The following ZNF578 variants were observed in gnomAD, a reference collection of about 807,000 sequenced individuals.
ZNF578 encodes Putative chemokine-related protein B42.
ZNF578 carries 8 observed loss-of-function variants against 8.3 expected under a neutral mutation model. The ratio of observed to expected loss-of-function variants is 0.96; its 90% CI spans 0.56 to 1.74. The LOEUF (loss-of-function observed/expected upper bound fraction) is 1.74. Ranked by LOEUF, ZNF578 falls within the 40% of genes most tolerant of loss-of-function variation. ZNF578 has a pLI of 0.00. For synonymous variants in ZNF578, 206 were observed against 232.2 expected (o/e 0.89, Z 1.03); for missense variants, 726 against 707.5 (o/e 1.03, Z -0.30).
intron 2 of ZNF578, chr19:52,475,349 C>CT: frequency 1.2e-5 from 2 of 161,476 alleles, no homozygotes; most frequent in Non-Finnish European, 2.6e-5. Flanking sequence ...TCTTTTCTTT[C>CT]TTTCTTTTTT....
At chr19:52,482,153 C>T (rs1362337580) in intron 2 of ZNF578, among the ~76,000 whole-genome samples, 1 of 152,168 alleles carries the variant, frequency 6.6e-6, no homozygotes, top group African/African-American at 2.4e-5. Flanking sequence ...ACTGCCTCAG[C>T]CTCCGGAGTA....
intron 2 of ZNF578, among the ~76,000 whole-genome samples, chr19:52,468,851 G>A (rs1387148319): frequency 2.0e-5 from 3 of 152,298 alleles, no homozygotes; most frequent in South Asian, 4.1e-4. Context: ...TTGGACATCA[G>A]ATTATAGGTT....
chr19:52,459,058 G>C (rs1262071342), intron 2 of ZNF578, among the ~76,000 whole-genome samples: 1 of 152,162 alleles, frequency 6.6e-6, no homozygotes, highest in Non-Finnish European at 1.5e-5. Flanking sequence ...TAGTCAGAGA[G>C]GTCTTTGTGT....
intron 2 of ZNF578, chr19:52,473,628 C>A: frequency 5.1e-6 from 1 of 197,856 alleles, no homozygotes; most frequent in Non-Finnish European, 1.0e-5. Flanking sequence ...TGATTAAAGG[C>A]TCTGCCACAT....
intron 5 of ZNF578, among the ~76,000 whole-genome samples, chr19:52,505,114 C>T (rs389503): frequency 1.1e-4 from 17 of 151,928 alleles, no homozygotes; most frequent in Non-Finnish European, 2.2e-4. Flanking sequence ...CTCTAACTCC[C>T]GACCTCAGGT....
intron 2 of ZNF578, among the ~76,000 whole-genome samples, chr19:52,484,613 C>T (rs1002715745): frequency 2.0e-5 from 3 of 152,028 alleles, no homozygotes; most frequent in Non-Finnish European, 4.4e-5. Context: ...ATCCAGATGG[C>T]CGGTTCCTGC....
intron 3 of ZNF578, among the ~76,000 whole-genome samples, chr19:52,497,089 G>A (rs2059389650): frequency 6.6e-6 from 1 of 151,110 alleles, no homozygotes; most frequent in South Asian, 2.1e-4. Context: ...CGCCCCACGA[G>A]GCCTGGCTAT....
At chr19:52,483,812 T>C (rs935528510) in intron 2 of ZNF578, among the ~76,000 whole-genome samples, 1 of 152,186 alleles carries the variant, frequency 6.6e-6, no homozygotes, top group Non-Finnish European at 1.5e-5. Context: ...TCAGTTCTTA[T>C]TGCTTTTAAT....
chr19:52,491,475 A>C (rs938911205), intron 3 of ZNF578, 50 bp downstream of exon 3: 1 of 152,736 alleles, frequency 6.5e-6, no homozygotes, highest in African/African-American at 2.4e-5. Context: ...GAGAGGTTTA[A>C]TTCCTCCTTT....
At chr19:52,500,380 C>A (rs2059402402) in intron 3 of ZNF578, among the ~76,000 whole-genome samples, 3 of 149,656 alleles carry the variant, frequency 2.0e-5, no homozygotes, top group Non-Finnish European at 1.5e-5. Flanking sequence ...AGAACTGAGG[C>A]ACAAATGGTT....
At chr19:52,501,432 C>G (rs1225883866) in intron 3 of ZNF578, among the ~76,000 whole-genome samples, 2 of 152,218 alleles carry the variant, frequency 1.3e-5, no homozygotes, top group Non-Finnish European at 2.9e-5. Flanking sequence ...TGCTTGTCAT[C>G]TGTGTGCAGC....
intron 2 of ZNF578, among the ~76,000 whole-genome samples, chr19:52,471,314 T>G (rs1258133231): frequency 6.6e-6 from 1 of 152,254 alleles, no homozygotes; most frequent in Admixed American, 6.5e-5. Flanking sequence ...GACTACCAGC[T>G]TTTCTCTTCC....
intron 4 of ZNF578, among the ~76,000 whole-genome samples, chr19:52,502,814 C>T (rs184997698): frequency 0.019 from 2,893 of 152,272 alleles, 97 homozygotes; most frequent in African/African-American, 0.066. Flanking sequence ...TCAGAGTTTA[C>T]AGCAGCCTCA....
chr19:52,476,446 A>G (rs1377691014), intron 2 of ZNF578, among the ~76,000 whole-genome samples: 1 of 152,188 alleles, frequency 6.6e-6, no homozygotes, highest in Non-Finnish European at 1.5e-5. Context: ...AGAAATATCA[A>G]TGACCCCCAT....
intron 2 of ZNF578, among the ~76,000 whole-genome samples, chr19:52,484,878 G>A (rs1172755680): frequency 2.7e-5 from 4 of 147,530 alleles, no homozygotes; most frequent in Middle Eastern, 3.5e-3. Flanking sequence ...GACTCAGCCC[G>A]CCTGCACCCA....
At position 52,512,174 on chromosome 19, in the gene ZNF578, C is replaced by A; in HGVS notation, c.*20C>A. 2 of 1,613,526 alleles carry A rather than the reference C, an allele frequency of 1.2e-6. No homozygotes were observed. The highest frequency in any genetic ancestry group is 2.7e-5 in the African/African-American group (2 of 74,934). On this transcript the variant is annotated 3_prime_UTR_variant, in exon 6 of 6. Transcript: ENST00000421239. ...TCATAGACTTCATACTGGAGAGAAA[C>A]CTTACAAATGTGAAGCATGTGACAA...
intron 3 of ZNF578, among the ~76,000 whole-genome samples, chr19:52,491,794 A>G (rs1026547139): frequency 2.0e-5 from 3 of 152,328 alleles, no homozygotes; most frequent in Admixed American, 1.3e-4. Context: ...CTAACTGGAT[A>G]TCCACATGGA....
chr19:52,503,921 T>A (rs775994920), intron 4 of ZNF578, among the ~76,000 whole-genome samples: 1 of 146,958 alleles, frequency 6.8e-6, no homozygotes, highest in Non-Finnish European at 1.5e-5. Flanking sequence ...CCTCAGCCTC[T>A]TGAGTAGCTG....
chr19:52,473,050 T>G (rs926750835), intron 2 of ZNF578, among the ~76,000 whole-genome samples: 1 of 152,218 alleles, frequency 6.6e-6, no homozygotes, highest in Admixed American at 6.5e-5. Flanking sequence ...CCTTGAGTTA[T>G]AGCCTCAGCA....
Sources: allele counts gnomAD v4.1 joint callset (sites outside exome capture counted in the v4.1 genomes callset), GRCh38; gene constraint gnomAD v4.1.1; transcripts MANE v1.5; gene names NCBI Gene and HGNC (gene_info 2026-07-23, HGNC 2026-07-21).